The following CSMD1 variants were observed in gnomAD, a reference collection of about 807,000 sequenced individuals.
CSMD1 encodes the protein CUB and Sushi multiple domains 1, also known as CUB and sushi domain-containing protein 1.
In CSMD1, 213 loss-of-function variants were observed where a neutral mutation model predicts 417.5. That is an observed-to-expected ratio of 0.51 (90% CI 0.46 to 0.57). The LOEUF is 0.57. Among genes scored for constraint, CSMD1 ranks in the 20% least tolerant of loss-of-function variants. The pLI is 0.00. For missense variants in CSMD1, 6,923 were observed against 4,529.7 expected (o/e 1.53, Z -15.17); for synonymous variants, 2,862 against 1,736.8 (o/e 1.65, Z -16.11).
At chr8:4,304,969 G>A (rs932034302) in intron 3 of CSMD1, among the ~76,000 whole-genome samples, 2 of 152,034 alleles carry the variant, frequency 1.3e-5, no homozygotes, top group African/African-American at 4.8e-5. Context: ...CTACACTAAC[G>A]TCTGGATGGT....
intron 5 of CSMD1, among the ~76,000 whole-genome samples, chr8:3,821,797 C>T (rs969392756): frequency 6.7e-6 from 1 of 149,098 alleles, no homozygotes; most frequent in African/African-American, 2.4e-5. Context: ...AACAAACAAG[C>T]AAACAAACAA....
rs555661981 is a variant in CSMD1 at position 4,057,712 on chromosome 8, A to C, written c.416-25613T>G. ...ATCTATCTTGAATTGATTTCTGTAC[A>C]AGGTGTAAGGAAGGGATCCAGTTTC... On this transcript the variant is annotated intron_variant, in intron 3 of 69. Coordinates refer to ENST00000635120, the MANE Select transcript of CSMD1 (RefSeq NM_033225.6). Among the ~76,000 whole-genome samples the C allele has an allele frequency of 1.4e-4, 22 of 152,020 alleles. 1 individual carries two copies. Among genetic ancestry groups the C allele is most frequent in the African/African-American group, 5.1e-4 (21 of 41,494 alleles).
intron 1 of CSMD1, among the ~76,000 whole-genome samples, chr8:4,991,592 C>T (rs1811466474): frequency 1.3e-5 from 2 of 152,154 alleles, no homozygotes; most frequent in Admixed American, 1.3e-4. Flanking sequence ...GGGCGCCCTC[C>T]TGCCGGAGCG....
At chr8:4,257,721 A>G (rs55720535) in intron 3 of CSMD1, among the ~76,000 whole-genome samples, 13,959 of 152,154 alleles carry the variant, frequency 0.092, 933 homozygotes, top group East Asian at 0.35. Flanking sequence ...TGGGTACCAA[A>G]TACCTCTCTG....
chr8:4,835,004 A>C (rs1427989243), intron 1 of CSMD1, among the ~76,000 whole-genome samples: 4 of 83,326 alleles, frequency 4.8e-5, no homozygotes, highest in Admixed American at 4.4e-4. Context: ...AAAGAAAGAA[A>C]GAAAGAAAAA....
intron 49 of CSMD1, among the ~76,000 whole-genome samples, chr8:3,065,723 C>G (rs1316278049): frequency 6.6e-6 from 1 of 152,036 alleles, no homozygotes; most frequent in Non-Finnish European, 1.5e-5. Context: ...TAGGAGATAG[C>G]CTACAAAGCA....
intron 1 of CSMD1, among the ~76,000 whole-genome samples, chr8:4,875,952 G>A (rs1469956538): frequency 6.6e-6 from 1 of 152,090 alleles, no homozygotes; most frequent in East Asian, 1.9e-4. Context: ...ATTAATAAGA[G>A]ATGCTATTTT....
In CSMD1 at chr8:4,190,119, C is replaced by T. The variant is rs572599235; in HGVS notation, c.416-158020G>A. On this transcript the variant is annotated intron_variant, in intron 3 of 69. Transcript: ENST00000635120. Reference sequence around the variant, plus strand: ...TAAAAAATACAAAAAATGAGCCGGGCGTGGTGGCAGGTGCCTGTGGTCCCA... The same window carrying T: ...TAAAAAATACAAAAAATGAGCCGGGTGTGGTGGCAGGTGCCTGTGGTCCCA... Among the ~76,000 whole-genome samples, 6 of 151,730 alleles carry T rather than the reference C, an allele frequency of 4.0e-5. No individual in the cohort carries two copies. In the South Asian group the frequency reaches 6.3e-4, roughly 16 times the overall value.
chr8:3,584,383 G>A (rs568783487), intron 9 of CSMD1, among the ~76,000 whole-genome samples: 14 of 152,282 alleles, frequency 9.2e-5, no homozygotes, highest in African/African-American at 2.6e-4. Context: ...ATATGATCAA[G>A]TGGGACACTT....
chr8:4,150,734 A>C (rs905500249), intron 3 of CSMD1, among the ~76,000 whole-genome samples: 2 of 152,204 alleles, frequency 1.3e-5, no homozygotes, highest in Admixed American at 1.3e-4. Flanking sequence ...ATGCAGATTA[A>C]AAAGGAATTT....
rs979390646 is a variant in CSMD1, at chr8:3,970,834, C to T, written c.818+27069G>A. 1.5e-4 allele frequency among the ~76,000 whole-genome samples: 23 copies of T among 152,216 alleles called. 1 individual carries two copies. The highest frequency in any genetic ancestry group is 5.3e-4 in the African/African-American group (22 of 41,534). ...GGGGCACCATCTGTCTCACTGCAAC[C>T]TCCGCCTCCCGGGTTCACGCCATTC... On this transcript the variant is annotated intron_variant, in intron 5 of 69. Coordinates refer to ENST00000635120, the MANE Select transcript of CSMD1 (RefSeq NM_033225.6).
intron 5 of CSMD1, among the ~76,000 whole-genome samples, chr8:3,898,095 C>T (rs1012123915): frequency 6.6e-6 from 1 of 152,160 alleles, no homozygotes; most frequent in African/African-American, 2.4e-5. Flanking sequence ...TACAATCGCC[C>T]TGACACCCAA....
rs148426182 is a variant in CSMD1 at position 3,999,984 on chromosome 8, C to T, written c.611-1874G>A. ...ACAGATTATAAAAATTATGCTACCA[C>T]GGTAGTGTTTCCTTTTAAAAGTGTA... On this transcript the variant is annotated intron_variant, in intron 4 of 69. Transcript: ENST00000635120. Among the ~76,000 whole-genome samples the T allele has an allele frequency of 4.4e-3, 671 of 152,336 alleles. 3 individuals are homozygous for T. Among genetic ancestry groups the T allele is most frequent in the Non-Finnish European group, 6.4e-3 (435 of 68,034 alleles).
chr8:4,114,501 A>T (rs1802027825), intron 3 of CSMD1, among the ~76,000 whole-genome samples: 2 of 152,226 alleles, frequency 1.3e-5, no homozygotes, highest in South Asian at 4.1e-4. Flanking sequence ...CTAATAAAAT[A>T]TCCATTCTGC....
At chr8:4,023,783 T>G (rs6995825) in intron 4 of CSMD1, among the ~76,000 whole-genome samples, 17,802 of 70,684 alleles carry the variant, frequency 0.25, 2,016 homozygotes, top group African/African-American at 0.37. Flanking sequence ...TTTTTTTTTT[T>G]TGTGTGTGTA....
chr8:3,703,417 C>CAG (rs10675824), intron 7 of CSMD1, among the ~76,000 whole-genome samples: 145,521 of 152,156 alleles, frequency 0.96, 69,653 homozygotes, highest in East Asian at 1. Flanking sequence ...TTCCAAAGCA[C>CAG]AGAGATTCCT....
intron 26 of CSMD1, among the ~76,000 whole-genome samples, chr8:3,253,880 G>C (rs921467205): frequency 1.3e-5 from 2 of 152,120 alleles, no homozygotes; most frequent in African/African-American, 4.8e-5. Context: ...TTACATTTAA[G>C]GTTTATATTG....
At chr8:3,320,305 C>T (rs1806068634) in intron 23 of CSMD1, among the ~76,000 whole-genome samples, 1 of 152,152 alleles carries the variant, frequency 6.6e-6, no homozygotes, top group Non-Finnish European at 1.5e-5. Flanking sequence ...ACTCAGCCCT[C>T]ACACACCCTG....
At chr8:4,965,513 G>C (rs371768986) in intron 1 of CSMD1, among the ~76,000 whole-genome samples, 1 of 152,156 alleles carries the variant, frequency 6.6e-6, no homozygotes, top group Non-Finnish European at 1.5e-5. Flanking sequence ...GCTTCACTTC[G>C]CAATGGGGCA....
Sources: allele counts gnomAD v4.1 joint callset (sites outside exome capture counted in the v4.1 genomes callset), GRCh38; gene constraint gnomAD v4.1.1; transcripts MANE v1.5; gene names NCBI Gene and HGNC (gene_info 2026-07-23, HGNC 2026-07-21).